Variants in PPFIA2 observed in about 807,000 individuals in gnomAD.
The protein encoded by PPFIA2 is liprin-alpha-2.
A neutral mutation model predicts 175.5 loss-of-function variants in PPFIA2; 46 were observed. The ratio of observed to expected loss-of-function variants is 0.26; its 90% CI spans 0.21 to 0.34. The LOEUF (loss-of-function observed/expected upper bound fraction) is 0.34, where lower values mean the gene tolerates loss of function less well. Ranked by LOEUF, PPFIA2 falls within the 10% of genes least tolerant of loss-of-function variation. The pLI, the probability that PPFIA2 is intolerant of heterozygous loss-of-function variation, is 1.00. For missense variants in PPFIA2, 1,179 were observed against 1,506.1 expected (o/e 0.78, Z 3.60); for synonymous variants, 568 against 511.4 (o/e 1.11, Z -1.49).
intron 4 of PPFIA2, among the ~76,000 whole-genome samples, chr12:81,497,905 C>T (rs1453157827): frequency 2.6e-5 from 4 of 152,128 alleles, no homozygotes; most frequent in African/African-American, 9.7e-5. Context: ...GTTTCCTTCA[C>T]CTTCCATGAG....
chr12:81,438,641 C>T (rs2049550810), intron 7 of PPFIA2, among the ~76,000 whole-genome samples: 1 of 152,066 alleles, frequency 6.6e-6, no homozygotes, highest in Admixed American at 6.5e-5. Flanking sequence ...ATATTAGCCT[C>T]ATATATTTTT....
At chr12:81,705,329 G>A (rs1341892847) in intron 3 of PPFIA2, among the ~76,000 whole-genome samples, 15 of 150,598 alleles carry the variant, frequency 1.0e-4, no homozygotes, top group African/African-American at 1.9e-4. Context: ...GGTGGTGGGC[G>A]CCTGTAATCC....
chr12:81,630,897 ATAT>A (rs771431960), intron 4 of PPFIA2, among the ~76,000 whole-genome samples: 15,544 of 74,946 alleles, frequency 0.21, 945 homozygotes, highest in Middle Eastern at 0.29. Flanking sequence ...ATATATATAT[ATAT>A]TTTTTTTTTT....
chr12:81,446,893 T>C (rs2051380963), intron 5 of PPFIA2, among the ~76,000 whole-genome samples: 1 of 152,228 alleles, frequency 6.6e-6, no homozygotes, highest in Non-Finnish European at 1.5e-5. Flanking sequence ...ACATTTGCTG[T>C]CACTAATTAT....
intron 4 of PPFIA2, among the ~76,000 whole-genome samples, chr12:81,477,285 AAGG>A (rs1398864035): frequency 6.6e-6 from 1 of 150,778 alleles, no homozygotes; most frequent in Non-Finnish European, 1.5e-5. Context: ...ATTGAGAGAA[AAGG>A]AGGAGAGAGA....
At chr12:81,617,511 C>T (rs2061528936) in intron 4 of PPFIA2, among the ~76,000 whole-genome samples, 1 of 152,198 alleles carries the variant, frequency 6.6e-6, no homozygotes, top group African/African-American at 2.4e-5. Context: ...GTTTTCCACA[C>T]AGTAGCCTAT....
At chr12:81,301,650 C>G (rs982465157) in intron 22 of PPFIA2, among the ~76,000 whole-genome samples, 44 of 152,146 alleles carry the variant, frequency 2.9e-4, no homozygotes, top group Non-Finnish European at 5.0e-4. Context: ...CCCGCGCCAT[C>G]TCTCTGACTA....
At chr12:81,495,306 T>C (rs1159242325) in intron 4 of PPFIA2, among the ~76,000 whole-genome samples, 1 of 152,226 alleles carries the variant, frequency 6.6e-6, no homozygotes, top group African/African-American at 2.4e-5. Context: ...AATTGAATCA[T>C]AACATTTTTG....
At chr12:81,669,611 G>A (rs2071031510) in intron 4 of PPFIA2, among the ~76,000 whole-genome samples, 1 of 151,912 alleles carries the variant, frequency 6.6e-6, no homozygotes. Context: ...AAGACCTAAA[G>A]AAAGTGAGGC....
intron 3 of PPFIA2, among the ~76,000 whole-genome samples, chr12:81,737,291 C>T (rs2081724768): frequency 1.3e-5 from 2 of 151,884 alleles, no homozygotes; most frequent in South Asian, 4.1e-4. Context: ...TTTCAAGATG[C>T]AGTAGCCTTA....
At chr12:81,293,273 A>C (rs964235550) in intron 24 of PPFIA2, among the ~76,000 whole-genome samples, 7 of 152,132 alleles carry the variant, frequency 4.6e-5, no homozygotes, top group African/African-American at 1.7e-4. Flanking sequence ...ATTAAATACT[A>C]TTTGGGAGTT....
chr12:81,624,446 G>A (rs7969787), intron 4 of PPFIA2, among the ~76,000 whole-genome samples: 132,258 of 145,970 alleles, frequency 0.91, 60,170 homozygotes, highest in East Asian at 1. Flanking sequence ...TATATTATAT[G>A]TATAATTATA....
intron 3 of PPFIA2, among the ~76,000 whole-genome samples, chr12:81,732,504 G>GTT (rs749841598): frequency 1.3e-4 from 14 of 107,068 alleles, no homozygotes; most frequent in Non-Finnish European, 2.5e-4. Context: ...TATGGATGAT[G>GTT]TTTTTTTTTA....
At position 81,642,658 on chromosome 12, in the gene PPFIA2, C is replaced by CATACATGTGTGTATA. The variant is rs1567685600; in HGVS notation, c.303+34132_303+34133insTATACACACATGTAT. 9.2e-5 allele frequency among the ~76,000 whole-genome samples: 4 copies of CATACATGTGTGTATA among 43,560 alleles called. 1 individual carries two copies. Among genetic ancestry groups the CATACATGTGTGTATA allele is most frequent in the African/African-American group, 1.7e-4 (2 of 11,720 alleles). The allele number at this position is 43,560 out of a possible 152,430, so 28.6% of individuals were successfully genotyped here. The stretch of plus-strand genomic sequence containing the variant: ...CTATTATATACATACATGTATGTAT[C>CATACATGTGTGTATA]TATTATATACATACATGTATGTATC... On this transcript the variant is annotated intron_variant, in intron 4 of 32. Transcript: ENST00000549396.
chr12:81,541,653 A>C (rs559704365), intron 4 of PPFIA2, among the ~76,000 whole-genome samples: 64 of 151,444 alleles, frequency 4.2e-4, no homozygotes, highest in African/African-American at 1.4e-3. Flanking sequence ...AATTAGACAA[A>C]TTATGTCTTT....
At chr12:81,367,975 T>C (rs907200944) in intron 13 of PPFIA2, 1 of 580,718 alleles carries the variant, frequency 1.7e-6, no homozygotes, top group Admixed American at 2.9e-5. Context: ...TCAAACTAAC[T>C]TTTTGTCAAA....
chr12:81,440,111 C>T, intron 6 of PPFIA2, 65 bp from the exon 7 acceptor site: 2 of 1,158,150 alleles, frequency 1.7e-6, no homozygotes, highest in East Asian at 2.7e-5. Flanking sequence ...GTGCTGAATC[C>T]ATAATTAACA....
rs1234847316 is a variant in PPFIA2 at position 81,347,758 on chromosome 12, T to G, written c.2007A>C (p.Glu669Asp). ...CACGCAACTCTGTAGATTCTTTTTCTTCCTGAATTAGCCTGAAAGATACAG... is the reference window on the plus strand; with the variant it reads ...CACGCAACTCTGTAGATTCTTTTTCGTCCTGAATTAGCCTGAAAGATACAG... ...AINKEIRLIQ[E>D]EKESTELRAE... The change falls in exon 18 of 33, where the codon GAA (glutamate) becomes GAC (aspartate). Residue 669 changes from glutamate (E) to aspartate (D), a missense_variant. Glu to Asp is a conservative substitution (Grantham distance 45). Coordinates refer to ENST00000549396, the MANE Select transcript of PPFIA2 (RefSeq NM_003625.5). 1 of 1,613,774 alleles carries G rather than the reference T, an allele frequency of 6.2e-7. No individual in the cohort carries two copies. Among genetic ancestry groups the G allele is most frequent in the Non-Finnish European group, 8.5e-7 (1 of 1,179,790 alleles).
chr12:81,732,912 A>C (rs1016958342), intron 3 of PPFIA2, among the ~76,000 whole-genome samples: 2 of 151,698 alleles, frequency 1.3e-5, no homozygotes, highest in African/African-American at 2.4e-5. Flanking sequence ...GAACAGACCC[A>C]AAATTAAACA....
Sources: gnomAD v4.1 joint callset for allele counts (sites outside exome capture counted in the v4.1 genomes callset) on GRCh38, gnomAD v4.1.1 for gene constraint, MANE v1.5 for transcripts, NCBI Gene and HGNC (gene_info 2026-07-23, HGNC 2026-07-21) for gene names.